Variants in PKP1 observed in about 807,000 individuals in gnomAD.
The protein encoded by PKP1 is plakophilin-1.
A neutral mutation model predicts 76.4 loss-of-function variants in PKP1; 27 were observed. That is an observed-to-expected ratio of 0.35 (90% CI 0.26 to 0.49). The LOEUF is 0.49. PKP1 is among the 20% of genes least tolerant of loss of function. The probability of loss-of-function intolerance (pLI) is 0.99; values close to 1 mark genes in which losing one functional copy is unlikely to be tolerated. For synonymous variants in PKP1, 404 were observed against 384.2 expected (o/e 1.05, Z -0.60); for missense variants, 964 against 955.2 (o/e 1.01, Z -0.12).
In PKP1 at chr1:201,283,904, G is replaced by A. The variant is rs748066233; in HGVS notation, c.202G>A (p.Gly68Ser). Reference protein sequence around the residue: ...QSSTLSHSNRGSMYDGLADNY... With the variant: ...QSSTLSHSNRSSMYDGLADNY... ...GTCCACCCTGAGCCACTCCAATCGA[G>A]GTAAAGGCTCGGCCCCCGCGTGGTC... Residue 68 changes from glycine (G) to serine (S), a missense_variant and splice_region_variant, in exon 1 of 14, where the codon GGT becomes AGT. Transcript: ENST00000367324. 6.2e-7 allele frequency: 1 copy of A among 1,613,938 alleles called. No homozygotes were observed. Among genetic ancestry groups the A allele is most frequent in the Non-Finnish European group, 8.5e-7 (1 of 1,179,820 alleles).
intron 2 of PKP1, among the ~76,000 whole-genome samples, chr1:201,311,722 G>A (rs746106177): frequency 4.6e-5 from 7 of 152,210 alleles, no homozygotes; most frequent in African/African-American, 7.2e-5. Flanking sequence ...AGGGGTGGGC[G>A]GGCAGGCCCT....
chr1:201,317,556 A>T lies in PKP1; in HGVS notation c.847-16A>T, dbSNP rs2102178083. The T allele has an allele frequency of 6.2e-7, 1 of 1,609,160 alleles. No homozygotes were observed. The highest frequency in any genetic ancestry group is 2.2e-5 in the East Asian group (1 of 44,838). On this transcript the variant is annotated splice_polypyrimidine_tract_variant and intron_variant, in intron 4 of 13. Transcript: ENST00000367324. ...ATCTCCCTTGACCAGGCAGCGTGGC[A>T]ACTCTTTCCTGGCAGGTCTATCAGC...
chr1:201,327,047 C>T (rs545380574), intron 12 of PKP1, among the ~76,000 whole-genome samples: 2 of 152,320 alleles, frequency 1.3e-5, no homozygotes, highest in Admixed American at 1.3e-4. Context: ...TCCAGGAGCA[C>T]TGCTGGCCAA....
chr1:201,302,696 C>T (rs913302373), intron 2 of PKP1, among the ~76,000 whole-genome samples: 9 of 152,094 alleles, frequency 5.9e-5, no homozygotes, highest in African/African-American at 1.2e-4. Flanking sequence ...GGGGAGGGGA[C>T]GGGGGATCTG....
In PKP1 at chr1:201,313,515, C is replaced by G; in HGVS notation, c.656C>G (p.Ser219Cys). Reference sequence around the variant, plus strand: ...GACCCTGTGTATATCCCGCCCATCTCCTGCAACAAGGACCTGTCCTTTGGC... The same window carrying G: ...GACCCTGTGTATATCCCGCCCATCTGCTGCAACAAGGACCTGTCCTTTGGC... ...KQDPVYIPPISCNKDLSFGHS... is the reference protein window; with the variant it reads ...KQDPVYIPPICCNKDLSFGHS... Residue 219 changes from serine to cysteine, a missense_variant, in exon 3 of 14, where the codon TCC becomes TGC. Ser to Cys is a moderately radical substitution (Grantham distance 112, BLOSUM62 -1). Coordinates refer to ENST00000367324, the MANE Select transcript of PKP1 (RefSeq NM_001005337.3). The G allele has an allele frequency of 6.2e-7, 1 of 1,614,092 alleles. No individual in the cohort carries two copies. The highest frequency in any genetic ancestry group is 1.3e-5 in the African/African-American group (1 of 75,058).
rs1553276433 is a variant in PKP1, at chr1:201,330,262, C to CCG, written c.*221_*222insCG. On this transcript the variant is annotated 3_prime_UTR_variant, in exon 14 of 14. Transcript: ENST00000367324. ...GCAATGGGGGTTAGGGAGGTTGGGG[C>CCG]GGTGGGGGCTTTCTTGAGTTAAAGG... is the stretch of plus-strand genomic sequence containing the variant. 2 of 117,364 alleles carry CCG rather than the reference C, an allele frequency of 1.7e-5. No homozygotes were observed. The highest frequency in any genetic ancestry group is 3.7e-5 in the Non-Finnish European group (2 of 54,702). 7.3% of individuals were successfully genotyped at this position (117,364 alleles called of 1,614,324 possible). A position where few individuals can be genotyped will look rare whatever the true frequency, so the allele number is the denominator to read the frequency against.
intron 2 of PKP1, among the ~76,000 whole-genome samples, chr1:201,300,012 G>T (rs893988685): frequency 1.6e-4 from 24 of 152,222 alleles, no homozygotes; most frequent in African/African-American, 5.5e-4. Flanking sequence ...CCAAGAGGGA[G>T]CAATTGATGT....
chr1:201,293,912 C>A, intron 1 of PKP1, 30 bp from the exon 2 acceptor site: 2 of 1,448,760 alleles, frequency 1.4e-6, no homozygotes, highest in Non-Finnish European at 9.6e-7. Flanking sequence ...CATGGCCATC[C>A]CTGTCCTAAT....
intron 4 of PKP1, 63 bp downstream of exon 4, chr1:201,316,760 C>T (rs1253137966): frequency 3.5e-5 from 55 of 1,590,650 alleles, no homozygotes; most frequent in African/African-American, 4.0e-5. Flanking sequence ...GTCAGCCTGA[C>T]TCCGCTTTTA....
At chr1:201,297,038 G>A (rs1183474060) in intron 2 of PKP1, among the ~76,000 whole-genome samples, 11 of 152,124 alleles carry the variant, frequency 7.2e-5, no homozygotes, top group Non-Finnish European at 1.0e-4. Context: ...AGCAATGGTC[G>A]TACCTTATAG....
intron 2 of PKP1, among the ~76,000 whole-genome samples, chr1:201,301,643 A>G (rs913846417): frequency 7.2e-5 from 11 of 152,102 alleles, no homozygotes; most frequent in African/African-American, 2.7e-4. Context: ...CCTAATATGA[A>G]ACTTTAGAGA....
intron 12 of PKP1, among the ~76,000 whole-genome samples, chr1:201,327,377 C>A (rs571954162): frequency 6.6e-6 from 1 of 152,148 alleles, no homozygotes; most frequent in Non-Finnish European, 1.5e-5. Context: ...CATGAACGCA[C>A]GGTGTCCAAA....
rs554036976 is a variant in PKP1, at chr1:201,287,224, G to A, written c.202+3320G>A. Among the ~76,000 whole-genome samples, 7 of 152,306 alleles carry A rather than the reference G, an allele frequency of 4.6e-5. No individual in the cohort carries two copies. The East Asian group carries it at 1.3e-3, about 29-fold the overall frequency. ...CTCTGATCAGAGGTAGGGGCTGGAG[G>A]CAACATTGAGCCAGGGGAGGTGCCT... On this transcript the variant is annotated intron_variant, in intron 1 of 13. Transcript: ENST00000367324.
chr1:201,308,447 T>C (rs921835626), intron 2 of PKP1, among the ~76,000 whole-genome samples: 2 of 152,148 alleles, frequency 1.3e-5, no homozygotes, highest in African/African-American at 4.8e-5. Context: ...AAACCTACAT[T>C]AGCAACTAGA....
intron 10 of PKP1, 30 bp downstream of exon 10, chr1:201,324,611 G>A: frequency 6.2e-7 from 1 of 1,612,812 alleles, no homozygotes; most frequent in Non-Finnish European, 8.5e-7. Flanking sequence ...TCCCCCTCTA[G>A]CTAAGACATG....
At chr1:201,318,491 C>T (rs1391071529) in intron 5 of PKP1, 127 bp from the exon 6 acceptor site, 1 of 780,770 alleles carries the variant, frequency 1.3e-6, no homozygotes, top group Non-Finnish European at 2.2e-6. Context: ...GTTCTACAGA[C>T]CAGGGCTACC....
At chr1:201,297,995 A>T (rs976031741) in intron 2 of PKP1, among the ~76,000 whole-genome samples, 115 of 152,338 alleles carry the variant, frequency 7.5e-4, no homozygotes, top group African/African-American at 2.6e-3. Flanking sequence ...TTTATGTAAA[A>T]TTCAAATATA....
At position 201,321,974 on chromosome 1, in the gene PKP1, C is replaced by T. The variant is rs775965137; in HGVS notation, c.1348-4C>T. 4 of 1,613,878 alleles carry T rather than the reference C, an allele frequency of 2.5e-6. No individual in the cohort carries two copies. The highest frequency in any genetic ancestry group is 3.4e-6 in the Non-Finnish European group (4 of 1,179,990). On this transcript the variant is annotated splice_region_variant and splice_polypyrimidine_tract_variant and intron_variant, in intron 7 of 13. Transcript: ENST00000367324. Reference sequence around the variant, plus strand: ...TCAGGCCCATGCCTCTCCTTGGTCCCCAGTCTGTGGAAAACTGCATGTGTG... The same window carrying T: ...TCAGGCCCATGCCTCTCCTTGGTCCTCAGTCTGTGGAAAACTGCATGTGTG...
At chr1:201,307,687 A>G (rs778257289) in intron 2 of PKP1, among the ~76,000 whole-genome samples, 1 of 152,214 alleles carries the variant, frequency 6.6e-6, no homozygotes, top group South Asian at 2.1e-4. Context: ...GGGTCACTAC[A>G]TGCCTACTAC....
Sources: gnomAD v4.1 joint callset for allele counts (sites outside exome capture counted in the v4.1 genomes callset) on GRCh38, gnomAD v4.1.1 for gene constraint, MANE v1.5 for transcripts, NCBI Gene and HGNC (gene_info 2026-07-23, HGNC 2026-07-21) for gene names.